Variants in SEMA3A observed in about 807,000 individuals in gnomAD.
SEMA3A encodes the protein semaphorin-3A.
A neutral mutation model predicts 97.9 loss-of-function variants in SEMA3A; 29 were observed. The observed-to-expected ratio is 0.30, with a 90% CI of 0.22 to 0.40. The LOEUF (loss-of-function observed/expected upper bound fraction) is 0.40, where lower values mean the gene tolerates loss of function less well. SEMA3A is among the 10% of genes least tolerant of loss of function. The pLI is 1.00. For synonymous variants in SEMA3A, 321 were observed against 323.7 expected, an observed-to-expected ratio of 0.99 and a Z score of 0.09; for missense variants, 763 against 951.3, an observed-to-expected ratio of 0.80 and a Z score of 2.60.
intron 1 of SEMA3A, among the ~76,000 whole-genome samples, chr7:84,176,346 G>C (rs1381933917): frequency 6.6e-6 from 1 of 151,980 alleles, no homozygotes; most frequent in Non-Finnish European, 1.5e-5. Context: ...AGATCAGAGG[G>C]GTGTAAATAT....
chr7:83,974,069 G>A (rs1334105751), intron 15 of SEMA3A, among the ~76,000 whole-genome samples: 2 of 152,050 alleles, frequency 1.3e-5, no homozygotes, highest in African/African-American at 2.4e-5. Context: ...TTTACGGAAG[G>A]GAACAGATTG....
intron 4 of SEMA3A, among the ~76,000 whole-genome samples, chr7:84,065,533 A>G (rs1284617935): frequency 1.3e-5 from 2 of 149,066 alleles, no homozygotes; most frequent in African/African-American, 5.0e-5. Context: ...CAAGACTAAT[A>G]AAGAAAAAAA....
chr7:84,297,703 AGAGG>A (rs3077889), intron 3 of SEMA3A, among the ~76,000 whole-genome samples: 4,108 of 152,252 alleles, frequency 0.027, 189 homozygotes, highest in African/African-American at 0.093. Flanking sequence ...CCACTAAGAA[AGAGG>A]GAGTAGGACA....
At chr7:84,109,112 T>G (rs1261286164) in intron 4 of SEMA3A, among the ~76,000 whole-genome samples, 1 of 151,988 alleles carries the variant, frequency 6.6e-6, no homozygotes, top group Non-Finnish European at 1.5e-5. Flanking sequence ...AACTGATGTA[T>G]TACAATAGGA....
In SEMA3A at chr7:84,071,763, T is replaced by G. The variant is rs147996958; in HGVS notation, c.454-11205A>C. Among the ~76,000 whole-genome samples, 5 of 152,280 alleles carry G rather than the reference T, an allele frequency of 3.3e-5. No individual in the cohort carries two copies. The East Asian group carries it at 9.7e-4, about 29-fold the overall frequency. ...CATGTATTCCTTTTTTTATTAGATT[T>G]TTTTAAAGGTGAGGGACAAATCTAA... On this transcript the variant is annotated intron_variant, in intron 4 of 16. Transcript: ENST00000265362.
chr7:84,046,263 C>A, intron 6 of SEMA3A, 61 bp downstream of exon 6: 1 of 1,581,128 alleles, frequency 6.3e-7, no homozygotes, highest in Non-Finnish European at 8.6e-7. Context: ...TAAAAGAGTT[C>A]TCTAGTAACT....
intron 2 of SEMA3A, among the ~76,000 whole-genome samples, chr7:84,347,652 C>T (rs1453283662): frequency 2.6e-5 from 4 of 152,018 alleles, no homozygotes; most frequent in Admixed American, 1.3e-4. Flanking sequence ...CCTCGTGATC[C>T]GCCCACCTCA....
intron 1 of SEMA3A, among the ~76,000 whole-genome samples, chr7:84,406,926 A>C (rs1404728162): frequency 1.3e-5 from 2 of 152,222 alleles, no homozygotes; most frequent in East Asian, 3.9e-4. Flanking sequence ...TATCTATGAC[A>C]AAACCACAGC....
intron 2 of SEMA3A, among the ~76,000 whole-genome samples, chr7:84,333,996 T>C (rs1426372293): frequency 6.6e-6 from 1 of 152,254 alleles, no homozygotes; most frequent in East Asian, 1.9e-4. Context: ...CCAAATGTAC[T>C]GAAAAGTAAT....
intron 1 of SEMA3A, among the ~76,000 whole-genome samples, chr7:84,164,629 ATAT>A (rs1584065844): frequency 1.3e-5 from 2 of 152,186 alleles, no homozygotes; most frequent in Admixed American, 6.5e-5. Context: ...TAGGAGGTAG[ATAT>A]TATTATTATT....
chr7:84,422,630 C>T (rs1345773542), intron 1 of SEMA3A, among the ~76,000 whole-genome samples: 1 of 151,928 alleles, frequency 6.6e-6, no homozygotes, highest in Non-Finnish European at 1.5e-5. Flanking sequence ...TAGATCTTTC[C>T]CGCTTTCTCC....
At chr7:84,384,859 C>T (rs1803359103) in intron 1 of SEMA3A, among the ~76,000 whole-genome samples, 1 of 152,040 alleles carries the variant, frequency 6.6e-6, no homozygotes, top group Non-Finnish European at 1.5e-5. Context: ...TTGAAAATTG[C>T]AGATGAAACA....
intron 1 of SEMA3A, among the ~76,000 whole-genome samples, chr7:84,154,260 C>T (rs1796765487): frequency 6.6e-6 from 1 of 151,746 alleles, no homozygotes; most frequent in Non-Finnish European, 1.5e-5. Flanking sequence ...AGCTGGGATG[C>T]CAAAATATTT....
chr7:84,359,699 T>C (rs1802660939), intron 2 of SEMA3A, among the ~76,000 whole-genome samples: 2 of 152,200 alleles, frequency 1.3e-5, no homozygotes, highest in Admixed American at 1.3e-4. Flanking sequence ...ATTGGAATAG[T>C]TTCAGAAGGA....
chr7:84,314,956 C>G (rs901507549), intron 2 of SEMA3A, among the ~76,000 whole-genome samples: 2 of 151,966 alleles, frequency 1.3e-5, no homozygotes, highest in Non-Finnish European at 2.9e-5. Flanking sequence ...ATAATAAATC[C>G]AACATAGTAC....
At chr7:84,451,325 A>G (rs1202442589) in intron 1 of SEMA3A, among the ~76,000 whole-genome samples, 2 of 152,192 alleles carry the variant, frequency 1.3e-5, no homozygotes, top group Admixed American at 1.3e-4. Flanking sequence ...CCCTTGGGTC[A>G]TATTTAAAGT....
At chr7:84,308,264 G>A (rs1220212601) in intron 2 of SEMA3A, among the ~76,000 whole-genome samples, 1 of 152,064 alleles carries the variant, frequency 6.6e-6, no homozygotes, top group Non-Finnish European at 1.5e-5. Context: ...CCCTTACTGT[G>A]TGATAGGATT....
intron 1 of SEMA3A, among the ~76,000 whole-genome samples, chr7:84,162,123 T>A (rs576725670): frequency 4.9e-4 from 74 of 152,304 alleles, no homozygotes; most frequent in Non-Finnish European, 1.0e-3. Flanking sequence ...TTGAATAGGA[T>A]AAGCATATGT....
At chr7:84,456,106 G>C (rs978980190) in intron 1 of SEMA3A, among the ~76,000 whole-genome samples, 25 of 151,858 alleles carry the variant, frequency 1.6e-4, no homozygotes, top group Non-Finnish European at 2.7e-4. Context: ...AAGGATGTCT[G>C]AGATGATATT....
Sources: allele counts gnomAD v4.1 joint callset (sites outside exome capture counted in the v4.1 genomes callset), GRCh38; gene constraint gnomAD v4.1.1; transcripts MANE v1.5; gene names NCBI Gene and HGNC (gene_info 2026-07-23, HGNC 2026-07-21).